Variants in RIMS3 observed in about 807,000 individuals in gnomAD.
RIMS3 encodes regulating synaptic membrane exocytosis protein 3.
RIMS3 carries 15 observed loss-of-function variants against 29.2 expected under a neutral mutation model. The observed-to-expected ratio is 0.51, with a 90% CI of 0.34 to 0.79. The LOEUF is 0.79. RIMS3 is among the 30% of genes least tolerant of loss of function. The pLI is 0.01. For missense variants in RIMS3, 342 were observed against 421.4 expected, an observed-to-expected ratio of 0.81 and a Z score of 1.65; for synonymous variants, 161 against 170.1, an observed-to-expected ratio of 0.95 and a Z score of 0.41.
At chr1:40,688,658 G>C in the RIMS3 span, among the ~76,000 whole-genome samples, 5 of 152,154 alleles carry the variant, frequency 3.3e-5, no homozygotes, top group African/African-American at 1.2e-4. Flanking sequence ...ATCTTAAGAA[G>C]TATTTCTTAG....
chr1:40,679,496 A>G, the RIMS3 span, among the ~76,000 whole-genome samples: 1 of 152,226 alleles, frequency 6.6e-6, no homozygotes, highest in Non-Finnish European at 1.5e-5. Context: ...TAAAGGCCAT[A>G]TGTATTGGAC....
Position 40,641,812 on chromosome 1 carries a change from C to A in RIMS3, c.114G>T (p.Gly38=), listed in dbSNP as rs1247114431. Residue 38 remains glycine, a synonymous_variant, in exon 3 of 8, where the codon GGG becomes GGT. Transcript: ENST00000372684. ...CGSQQAGGGA[G]TTTAKKRRSS... ...TCCGCCGCTTCTTGGCGGTGGTGGTCCCAGCCCCGCCCCCGGCTTGCTGGG... is the reference window on the plus strand; with the variant it reads ...TCCGCCGCTTCTTGGCGGTGGTGGTACCAGCCCCGCCCCCGGCTTGCTGGG... 5.0e-6 allele frequency: 8 copies of A among 1,612,766 alleles called. No homozygotes were observed. Among genetic ancestry groups the A allele is most frequent in the Non-Finnish European group, 6.8e-6 (8 of 1,178,924 alleles).
intron 1 of RIMS3, among the ~76,000 whole-genome samples, chr1:40,655,356 C>A (rs764033493): frequency 6.6e-6 from 1 of 152,034 alleles, no homozygotes; most frequent in Non-Finnish European, 1.5e-5. Flanking sequence ...CCCTACTCCC[C>A]CCAGGAGGTC....
intron 1 of RIMS3, among the ~76,000 whole-genome samples, chr1:40,664,284 A>C (rs1321902755): frequency 6.6e-6 from 1 of 151,528 alleles, no homozygotes; most frequent in Non-Finnish European, 1.5e-5. Context: ...CCATTAGGCT[A>C]CCCACATGCC....
the RIMS3 span, among the ~76,000 whole-genome samples, chr1:40,674,247 T>C: frequency 6.6e-6 from 1 of 152,198 alleles, no homozygotes; most frequent in Admixed American, 6.5e-5. Context: ...GAAATGACAA[T>C]TTCATGGGAA....
At chr1:40,673,528 A>G in the RIMS3 span, 1 of 152,358 alleles carries the variant, frequency 6.6e-6, no homozygotes, top group Non-Finnish European at 1.5e-5. Flanking sequence ...TGGGTCGTGC[A>G]ATGTGCTCCT....
Position 40,641,866 on chromosome 1 carries a change from G to A in RIMS3, c.60C>T (p.Ser20=). The A allele has an allele frequency of 2.5e-6, 4 of 1,613,718 alleles. No individual in the cohort carries two copies. The highest frequency in any genetic ancestry group is 2.7e-5 in the African/African-American group (2 of 75,066). ...CGCAGATTTCACCGCTAATGCTGGA[G>A]CTCCGCACCACATTCCTGGAGGCCC... ...SSGASRNVVR[S]SSISGEICGS... Residue 20 remains serine (S), a synonymous_variant, in exon 3 of 8, where the codon AGC becomes AGT. Transcript: ENST00000372684.
chr1:40,687,255 G>C, the RIMS3 span, among the ~76,000 whole-genome samples: 1 of 152,134 alleles, frequency 6.6e-6, no homozygotes, highest in Non-Finnish European at 1.5e-5. Flanking sequence ...AAATTCTGCT[G>C]ATGGATGCAC....
upstream of RIMS3, among the ~76,000 whole-genome samples, chr1:40,667,974 C>CG (rs1205496359): frequency 2.0e-5 from 3 of 152,002 alleles, no homozygotes; most frequent in African/African-American, 4.8e-5. Flanking sequence ...AACTTGTGGC[C>CG]GGGGGCGGTG....
At chr1:40,639,454 C>A (rs905233095) in intron 3 of RIMS3, among the ~76,000 whole-genome samples, 1 of 152,198 alleles carries the variant, frequency 6.6e-6, no homozygotes, top group Non-Finnish European at 1.5e-5. Context: ...GCTGAGAACT[C>A]ACTTCTCTTT....
At chr1:40,675,713 G>A in the RIMS3 span, among the ~76,000 whole-genome samples, 10 of 146,410 alleles carry the variant, frequency 6.8e-5, no homozygotes, top group African/African-American at 1.8e-4. Context: ...AGCTGAGATC[G>A]TGCCATTGCA....
At chr1:40,652,862 GA>G (rs756297741) in intron 1 of RIMS3, among the ~76,000 whole-genome samples, 7 of 152,252 alleles carry the variant, frequency 4.6e-5, no homozygotes, top group Non-Finnish European at 8.8e-5. Flanking sequence ...ATCCATGCAG[GA>G]AGAAGGGCTG....
intron 5 of RIMS3, among the ~76,000 whole-genome samples, chr1:40,631,886 C>T (rs183284481): frequency 3.3e-5 from 5 of 151,768 alleles, no homozygotes; most frequent in Non-Finnish European, 7.4e-5. Flanking sequence ...GCAGGAGAAT[C>T]ACTTGAACCT....
the RIMS3 span, chr1:40,691,914 G>T: frequency 2.9e-6 from 1 of 343,178 alleles, no homozygotes; most frequent in Non-Finnish European, 5.8e-6. Flanking sequence ...TAGGGAAGCG[G>T]CGGCGGGGGG....
chr1:40,642,368 G>C (rs1646564326), intron 2 of RIMS3, among the ~76,000 whole-genome samples: 2 of 152,180 alleles, frequency 1.3e-5, no homozygotes, highest in African/African-American at 4.8e-5. Context: ...ATAATGCACA[G>C]GAAGTGCCTG....
At chr1:40,685,286 AATAT>A in the RIMS3 span, among the ~76,000 whole-genome samples, 3 of 78,028 alleles carry the variant, frequency 3.8e-5, no homozygotes, top group African/African-American at 5.6e-5. Flanking sequence ...ATAATTTATT[AATAT>A]ATATATTATA....
chr1:40,683,888 T>C, the RIMS3 span, among the ~76,000 whole-genome samples: 1 of 152,238 alleles, frequency 6.6e-6, no homozygotes, highest in African/African-American at 2.4e-5. Context: ...CATTGTTTAG[T>C]CTGCCTAATC....
At chr1:40,667,768 G>A (rs756861156), upstream of RIMS3, among the ~76,000 whole-genome samples, 21 of 152,176 alleles carry the variant, frequency 1.4e-4, no homozygotes, top group Admixed American at 1.0e-3. Flanking sequence ...GGACTAGACC[G>A]ATCTGTGGAA....
At chr1:40,689,110 C>T in the RIMS3 span, among the ~76,000 whole-genome samples, 2 of 152,186 alleles carry the variant, frequency 1.3e-5, no homozygotes, top group South Asian at 2.1e-4. Flanking sequence ...TTATTGTTCA[C>T]ACAACATTAC....
Sources: gnomAD v4.1 joint callset for allele counts (sites outside exome capture counted in the v4.1 genomes callset) on GRCh38, gnomAD v4.1.1 for gene constraint, MANE v1.5 for transcripts, NCBI Gene and HGNC (gene_info 2026-07-23, HGNC 2026-07-21) for gene names.